The following SH2D5 variants were observed in gnomAD, a reference collection of about 807,000 sequenced individuals.
The protein encoded by SH2D5 is SH2 domain-containing protein 5.
Under a neutral mutation model 48.2 loss-of-function variants are expected in SH2D5, and 45 were observed. That is an observed-to-expected ratio of 0.93 (90% CI 0.73 to 1.20). The LOEUF is 1.20. Among genes scored for constraint, SH2D5 ranks in the 50% most tolerant of loss-of-function variants. The pLI is 0.00. For missense variants in SH2D5, 538 were observed against 584.1 expected (o/e 0.92, Z 0.81); for synonymous variants, 230 against 249.8 (o/e 0.92, Z 0.75).
At position 20,722,755 on chromosome 1, in the gene SH2D5, C is replaced by T; in HGVS notation, c.1068+1G>A. 3 of 1,492,418 alleles carry T rather than the reference C, an allele frequency of 2.0e-6. No individual in the cohort carries two copies. The highest frequency in any genetic ancestry group is 2.7e-6 in the Non-Finnish European group (3 of 1,115,042). The allele number at this position is 1,492,418 out of a possible 1,614,324, so 92.4% of individuals were successfully genotyped here. A position where few individuals can be genotyped will look rare whatever the true frequency, so the allele number is the denominator to read the frequency against. The stretch of plus-strand genomic sequence containing the variant: ...GGCCCCTCTGGCTGCTGCGCTCTTA[C>T]CTCCAAGCAGTAGCGGCCCAGGTGG... On this transcript the variant is annotated splice_donor_variant, in intron 9 of 9. Transcript: ENST00000444387. LOFTEE classifies it high-confidence loss of function.
At chr1:20,723,145 C>T (rs1284962029) in intron 8 of SH2D5, among the ~76,000 whole-genome samples, 1 of 152,196 alleles carries the variant, frequency 6.6e-6, no homozygotes, top group Non-Finnish European at 1.5e-5. Flanking sequence ...CATGCTACTG[C>T]ACTTCAGCAC....
rs942653425 is a variant in SH2D5, at chr1:20,724,224, C to T, written c.658G>A (p.Ala220Thr). The change falls in exon 7 of 10, where the codon GCC becomes ACC. Residue 220 changes from alanine (A) to threonine (T), a missense_variant. Coordinates refer to ENST00000444387, the MANE Select transcript of SH2D5 (RefSeq NM_001103161.2). The part of the protein sequence containing the change: ...GKELPESEGR[A>T]RHARLGNPYC... ...GGATTCCCCAGGCGGGCATGGCGGG[C>T]ACGGCCTTCCGACTCTGGCAGCTCC... 5 of 1,612,676 alleles carry T rather than the reference C, an allele frequency of 3.1e-6. No homozygotes were observed. The highest frequency in any genetic ancestry group is 1.1e-5 in the South Asian group (1 of 91,078).
intron 7 of SH2D5, 56 bp from the exon 8 acceptor site, chr1:20,723,790 C>A (rs1381948763): frequency 7.1e-7 from 1 of 1,417,190 alleles, no homozygotes; most frequent in Non-Finnish European, 9.8e-7. Flanking sequence ...CCATTCCCTG[C>A]GGCCGCAGGC....
intron 7 of SH2D5, 61 bp from the exon 8 acceptor site, chr1:20,723,795 G>A (rs189143958): frequency 9.5e-5 from 132 of 1,382,246 alleles, no homozygotes; most frequent in Middle Eastern, 9.5e-4. Context: ...CCCTGCGGCC[G>A]CAGGCCTCAT....
At position 20,729,092 on chromosome 1, in the gene SH2D5, G is replaced by T. The variant is rs2054861650; in HGVS notation, c.-42-1006C>A. 6.6e-6 allele frequency among the ~76,000 whole-genome samples: 1 copy of T among 152,210 alleles called. No homozygotes were observed. The highest frequency in any genetic ancestry group is 6.5e-5 in the Admixed American group (1 of 15,290). ...CCCTCTCCCACATCCAGTCGTGGAAGAGAGGAGTGGACCCCCCTTAGGTGA... is the reference window on the plus strand; with the variant it reads ...CCCTCTCCCACATCCAGTCGTGGAATAGAGGAGTGGACCCCCCTTAGGTGA... On this transcript the variant is annotated intron_variant, in intron 1 of 9. Transcript: ENST00000444387. The surrounding 1 kb of genome is among the most constrained non-coding windows in gnomAD (Gnocchi z 4.2).
At chr1:20,730,402 A>C (rs1304971256) in intron 1 of SH2D5, among the ~76,000 whole-genome samples, 1 of 151,930 alleles carries the variant, frequency 6.6e-6, no homozygotes, top group Non-Finnish European at 1.5e-5. Context: ...AGCTGTGTCC[A>C]GGGCTGCTGC....
chr1:20,726,571 G>A (rs370102902), intron 4 of SH2D5, among the ~76,000 whole-genome samples: 6 of 152,110 alleles, frequency 3.9e-5, no homozygotes, highest in Non-Finnish European at 7.4e-5. Context: ...AGTCTGGCGC[G>A]CAATCAGTGT....
At position 20,728,014 on chromosome 1, in the gene SH2D5, C is replaced by T; in HGVS notation, c.31G>A (p.Ala11Thr). 6.4e-7 allele frequency: 1 copy of T among 1,559,720 alleles called. No individual in the cohort carries two copies. The highest frequency in any genetic ancestry group is 8.7e-7 in the Non-Finnish European group (1 of 1,153,108). The change falls in exon 2 of 10, where the codon GCC becomes ACC. Residue 11 changes from alanine to threonine, a missense_variant. Physicochemically the swap from Ala to Thr is moderately conservative, Grantham distance 58 (BLOSUM62 0). Transcript: ENST00000444387. The surrounding 1 kb of genome is among the most constrained non-coding windows in gnomAD (Gnocchi z 4.3). MQKAGAGGRR[A>T]SDCGLAPHRP... ...TGAGGGGCCAGCCCGCAGTCAGAGG[C>T]CCTGCGGCCCCCAGCCCCCGCCTTC...
At position 20,720,709 on chromosome 1, in the gene SH2D5, C is replaced by T. The variant is rs1161895157; in HGVS notation, c.*1083G>A. 2.0e-5 allele frequency: 3 copies of T among 152,264 alleles called. No individual in the cohort carries two copies. The highest frequency in any genetic ancestry group is 4.4e-5 in the Non-Finnish European group (3 of 68,056). 9.4% of individuals were successfully genotyped at this position (152,264 alleles called of 1,614,324 possible). A position where few individuals can be genotyped will look rare whatever the true frequency, so the allele number is the denominator to read the frequency against. On this transcript the variant is annotated 3_prime_UTR_variant, in exon 10 of 10. Transcript: ENST00000444387. ...TCGTTTCCCTGGGTCTCCCATGGCC[C>T]GCTGAGGCCAAGCGCCCCCGGCAGG...
chr1:20,723,839 C>T (rs766168151), intron 7 of SH2D5, 105 bp from the exon 8 acceptor site: 54 of 1,056,028 alleles, frequency 5.1e-5, no homozygotes, highest in Non-Finnish European at 7.1e-5. Flanking sequence ...AGCCTCTCTA[C>T]CCTGCTCAGC....
intron 1 of SH2D5, among the ~76,000 whole-genome samples, chr1:20,730,125 G>T (rs1204016935): frequency 6.6e-6 from 1 of 152,080 alleles, no homozygotes; most frequent in Non-Finnish European, 1.5e-5. Flanking sequence ...CCAGGATGGC[G>T]GGCAGTGGGG....
chr1:20,723,001 G>A (rs2054718849), intron 8 of SH2D5, 86 bp from the exon 9 acceptor site: 1 of 1,311,494 alleles, frequency 7.6e-7, no homozygotes, highest in Admixed American at 3.1e-5. Context: ...GAGGCAGCCT[G>A]CGGATTAAAT....
chr1:20,723,726 C>T lies in SH2D5; in HGVS notation c.808G>A (p.Ala270Thr), dbSNP rs373920480. The change falls in exon 8 of 10, where the codon GCA becomes ACA. Residue 270 changes from alanine (A) to threonine (T), a missense_variant. Physicochemically the swap from Ala to Thr is moderately conservative, Grantham distance 58. Transcript: ENST00000444387. ...QLSAREAFPA[A>T]WEAWPRGPGG... Reference sequence around the variant, plus strand: ...GGACCCCGGGGCCATGCCTCCCATGCGGCAGGAACTGTGGAGACCATCCAG... The same window carrying T: ...GGACCCCGGGGCCATGCCTCCCATGTGGCAGGAACTGTGGAGACCATCCAG... 22 of 1,612,418 alleles carry T rather than the reference C, an allele frequency of 1.4e-5. No individual in the cohort carries two copies. The highest frequency in any genetic ancestry group is 9.9e-5 in the South Asian group (9 of 91,020).
rs1183729493 is a variant in SH2D5, at chr1:20,721,864, T to G, written c.1200A>C (p.Pro400=). The change falls in exon 10 of 10, where the codon CCA becomes CCC. Residue 400 remains proline (P), a synonymous_variant. Coordinates refer to ENST00000444387, the MANE Select transcript of SH2D5 (RefSeq NM_001103161.2). ...GCCGGAGAGTCCGGGGCGGCCTGCC[T>G]GGGGGCCCACAGTCCTGCTCCTCGT... The part of the protein sequence containing the change: ...PTYEEQDCGP[P]GRPPRTLRPL... 6.2e-7 allele frequency: 1 copy of G among 1,612,654 alleles called. No individual in the cohort carries two copies.
intron 4 of SH2D5, among the ~76,000 whole-genome samples, chr1:20,726,785 C>T (rs995883778): frequency 7.2e-5 from 11 of 152,044 alleles, no homozygotes; most frequent in African/African-American, 2.7e-4. Context: ...TCTGGAGGCC[C>T]AGGGGTGGGA....
At position 20,724,627 on chromosome 1, in the gene SH2D5, G is replaced by T; in HGVS notation, c.399C>A (p.Ile133=). The change falls in exon 6 of 10, where the codon ATC becomes ATA. Residue 133 remains isoleucine, a synonymous_variant. Coordinates refer to ENST00000444387, the MANE Select transcript of SH2D5 (RefSeq NM_001103161.2). ...FVGSQPGEVQ[I]LHLLLCRSFQ... is the part of the protein sequence containing the mutation. The stretch of plus-strand genomic sequence containing the variant: ...AAGAGCGGCACAGCAGCAGGTGCAG[G>T]ATCTGGACCTGGGAGGGAGGGAGAG... 6.4e-7 allele frequency: 1 copy of T among 1,569,214 alleles called. No homozygotes were observed.
chr1:20,722,647 G>A (rs1186561210), intron 9 of SH2D5, 109 bp downstream of exon 9: 3 of 1,147,278 alleles, frequency 2.6e-6, no homozygotes, highest in Non-Finnish European at 3.5e-6. Context: ...AGGGATGGGG[G>A]TGAGGCACAT....
At position 20,729,206 on chromosome 1, in the gene SH2D5, C is replaced by A. The variant is rs551052696; in HGVS notation, c.-42-1120G>T. Among the ~76,000 whole-genome samples the A allele has an allele frequency of 1.5e-4, 23 of 152,318 alleles. No individual in the cohort carries two copies. The highest frequency in any genetic ancestry group is 5.5e-4 in the African/African-American group (23 of 41,568). ...TTAATGTGGAATTAACATATCATGG[C>A]CCCATGATTCCAAGAAAGAATGGCT... is the stretch of plus-strand genomic sequence containing the variant. On this transcript the variant is annotated intron_variant, in intron 1 of 9. Coordinates refer to ENST00000444387, the MANE Select transcript of SH2D5 (RefSeq NM_001103161.2). This position sits in a 1 kb window ranked among gnomAD's most constrained non-coding sequence, Gnocchi z 4.2.
chr1:20,731,684 C>G (rs1268021160), intron 1 of SH2D5: 1 of 144,604 alleles, frequency 6.9e-6, no homozygotes, highest in African/African-American at 2.5e-5. Context: ...GACACGGGAG[C>G]GGGAAGCGCT....
Sources: gnomAD v4.1 joint callset for allele counts (sites outside exome capture counted in the v4.1 genomes callset) on GRCh38, gnomAD v4.1.1 for gene constraint, Gnocchi (gnomAD v3.1) non-coding constraint, MANE v1.5 for transcripts, NCBI Gene and HGNC (gene_info 2026-07-23, HGNC 2026-07-21) for gene names.